The following NPR1 variants were observed in gnomAD, a reference collection of about 807,000 sequenced individuals.
NPR1 encodes the protein atrial natriuretic peptide receptor 1.
Under a neutral mutation model 116.9 loss-of-function variants are expected in NPR1, and 57 were observed. The observed-to-expected ratio is 0.49, with a 90% CI of 0.39 to 0.61. The LOEUF is 0.61. Among genes scored for constraint, NPR1 ranks in the 20% least tolerant of loss-of-function variants. The probability of loss-of-function intolerance (pLI) is 0.00; values close to 1 mark genes in which losing one functional copy is unlikely to be tolerated. For synonymous variants in NPR1, 555 were observed against 601.6 expected (o/e 0.92, Z 1.13); for missense variants, 1,096 against 1,409.8 (o/e 0.78, Z 3.56).
chr1:153,688,366 G>A, intron 15 of NPR1, 145 bp downstream of exon 15: 1 of 781,254 alleles, frequency 1.3e-6, no homozygotes, highest in Non-Finnish European at 2.0e-6. Context: ...GCTCAGCACA[G>A]CCTCATGACC....
At chr1:153,684,393 T>TC (rs1411302239) in intron 7 of NPR1, among the ~76,000 whole-genome samples, 1 of 137,040 alleles carries the variant, frequency 7.3e-6, no homozygotes, top group Non-Finnish European at 1.6e-5. Flanking sequence ...TTTCTTTTTT[T>TC]TTTTTTTTTT....
At chr1:153,681,655 C>T in intron 3 of NPR1, 49 bp from the exon 4 acceptor site, 2 of 1,599,020 alleles carry the variant, frequency 1.3e-6, no homozygotes, top group Admixed American at 1.7e-5. Context: ...GCTCCCACCT[C>T]CATGCCCTTC....
Position 153,679,940 on chromosome 1 carries a change from G to A in NPR1, c.721+111G>A. ...TCTGGGGGCACTCTTCTTTCTCCTC[G>A]CCGTTCTTCATTCTACTTTCAGCTC... On this transcript the variant is annotated intron_variant, in intron 1 of 21. Coordinates refer to ENST00000368680, the MANE Select transcript of NPR1 (RefSeq NM_000906.4). The surrounding 1 kb of genome is among the most constrained non-coding windows in gnomAD (Gnocchi z 4.2). The A allele has an allele frequency of 2.2e-6, 3 of 1,393,104 alleles. No homozygotes were observed. Among genetic ancestry groups the A allele is most frequent in the East Asian group, 2.5e-5 (1 of 39,578 alleles). The allele number at this position is 1,393,104 out of a possible 1,614,324, so 86.3% of individuals were successfully genotyped here.
chr1:153,685,484 C>G (rs1257433361), intron 8 of NPR1, among the ~76,000 whole-genome samples: 4 of 151,998 alleles, frequency 2.6e-5, no homozygotes. Flanking sequence ...GGCAACAGAG[C>G]AAGACATCGT....
chr1:153,685,933 T>C, intron 9 of NPR1, 53 bp downstream of exon 9: 2 of 1,541,966 alleles, frequency 1.3e-6, no homozygotes, highest in Admixed American at 3.3e-5. Flanking sequence ...GAGTGTACTC[T>C]GATGGAGGAC....
chr1:153,681,666 A>C (rs1195010452), intron 3 of NPR1, 38 bp from the exon 4 acceptor site: 2 of 1,605,558 alleles, frequency 1.2e-6, no homozygotes, highest in Admixed American at 3.4e-5. Context: ...CATGCCCTTC[A>C]TATGCCCACC....
Position 153,686,698 on chromosome 1 carries a change from AC to A in NPR1, c.1818del (p.Asn607IlefsTer62), listed in dbSNP as rs772189906. On this transcript the variant is annotated frameshift_variant, in exon 11 of 22. Transcript: ENST00000368680. LOFTEE classifies it high-confidence loss of function. ...ACCAGGTTTGTGGGAGCCTGCACCGACCCCCCCAATATCTGCATCCTCACAG... is the reference window on the plus strand; with the variant it reads ...ACCAGGTTTGTGGGAGCCTGCACCGACCCCCCAATATCTGCATCCTCACAG... ...HLTRFVGACT[D>X]PPNICILTEY... 3.1e-6 allele frequency: 5 copies of A among 1,612,710 alleles called. No homozygotes were observed. The highest frequency in any genetic ancestry group is 1.3e-5 in the African/African-American group (1 of 74,480).
chr1:153,690,797 G>T (rs1670086635), intron 20 of NPR1, among the ~76,000 whole-genome samples: 1 of 151,842 alleles, frequency 6.6e-6, no homozygotes, highest in African/African-American at 2.4e-5. Flanking sequence ...CAAAAAACTA[G>T]CCAGGTGTGA....
intron 20 of NPR1, 107 bp downstream of exon 20, chr1:153,690,489 C>A: frequency 4.1e-6 from 3 of 737,116 alleles, no homozygotes; most frequent in Non-Finnish European, 6.9e-6. Flanking sequence ...CTAGCCCTTT[C>A]GCCTCCCAAG....
chr1:153,693,552 A>G lies in NPR1; in HGVS notation c.*138A>G. The G allele has an allele frequency of 1.4e-6, 1 of 714,388 alleles. No individual in the cohort carries two copies. The highest frequency in any genetic ancestry group is 2.3e-6 in the Non-Finnish European group (1 of 436,634). 44.3% of individuals were successfully genotyped at this position (714,388 alleles called of 1,614,324 possible). ...TGAATAGCTCAGGTGTGCTGACCCCAGTGAAGACACCAGATAGGACCTCTG... is the reference window on the plus strand; with the variant it reads ...TGAATAGCTCAGGTGTGCTGACCCCGGTGAAGACACCAGATAGGACCTCTG... On this transcript the variant is annotated 3_prime_UTR_variant, in exon 22 of 22. Transcript: ENST00000368680.
chr1:153,693,327 A>C, intron 21 of NPR1, 25 bp from the exon 22 acceptor site: 2 of 1,611,978 alleles, frequency 1.2e-6, no homozygotes, highest in Non-Finnish European at 1.7e-6. Flanking sequence ...GCCACTCCCC[A>C]GCCCATCCTC....
intron 11 of NPR1, 41 bp downstream of exon 11, chr1:153,686,791 C>T (rs61758564): frequency 6.4e-7 from 1 of 1,559,796 alleles, no homozygotes; most frequent in Non-Finnish European, 8.8e-7. Context: ...GGGTTCTAGC[C>T]CTGGCTCTGC....
Position 153,687,182 on chromosome 1 carries a change from G to A in NPR1, c.1936-18G>A, listed in dbSNP as rs1463605773. ...GGTCCCACTCCTGGCCAATACCTCT[G>A]CCCACTCACATTTCCAGGGCATGCT... On this transcript the variant is annotated intron_variant, in intron 12 of 21. Transcript: ENST00000368680. 6.2e-7 allele frequency: 1 copy of A among 1,613,584 alleles called. No homozygotes were observed. The highest frequency in any genetic ancestry group is 8.5e-7 in the Non-Finnish European group (1 of 1,179,800).
intron 20 of NPR1, among the ~76,000 whole-genome samples, chr1:153,692,101 G>A (rs1318505990): frequency 6.6e-6 from 1 of 151,706 alleles, no homozygotes; most frequent in Non-Finnish European, 1.5e-5. Context: ...ACAAAATGAG[G>A]GTATAGCATG....
In NPR1 at chr1:153,685,850, C is replaced by T; in HGVS notation, c.1650C>T (p.Phe550=). The T allele has an allele frequency of 6.2e-7, 1 of 1,614,124 alleles. No individual in the cohort carries two copies. The highest frequency in any genetic ancestry group is 8.5e-7 in the Non-Finnish European group (1 of 1,180,014). The change falls in exon 9 of 22, where the codon TTC becomes TTT. Residue 550 remains phenylalanine, a synonymous_variant. Transcript: ENST00000368680. ...CCCTGCTAACCACAGAGGGCCAGTT[C>T]CAAGTCTTTGCCAAGACAGCATATT... ...YGSLLTTEGQ[F]QVFAKTAYYK...
intron 5 of NPR1, 24 bp from the exon 6 acceptor site, chr1:153,683,352 G>T: frequency 6.2e-7 from 1 of 1,610,408 alleles, no homozygotes. Flanking sequence ...CCCTGGCCTA[G>T]CCACCACTCC....
At chr1:153,686,350 T>A in intron 10 of NPR1, 150 bp downstream of exon 10, 1 of 777,772 alleles carries the variant, frequency 1.3e-6, no homozygotes, top group Non-Finnish European at 2.2e-6. Flanking sequence ...ATCTTGTGGG[T>A]GGGAGTGGGG....
intron 10 of NPR1, 41 bp downstream of exon 10, chr1:153,686,241 T>G: frequency 2.5e-6 from 4 of 1,576,756 alleles, no homozygotes; most frequent in African/African-American, 1.3e-5. Flanking sequence ...GAAGGGGCCC[T>G]CGGGGACGCA....
At chr1:153,690,205 G>A (rs1557966127) in intron 19 of NPR1, 79 bp from the exon 20 acceptor site, 2 of 1,133,396 alleles carry the variant, frequency 1.8e-6, no homozygotes, top group Non-Finnish European at 2.5e-6. Context: ...GCCTGTCTTG[G>A]ATTGTCCACC....
Sources: gnomAD v4.1 joint callset for allele counts (sites outside exome capture counted in the v4.1 genomes callset) on GRCh38, gnomAD v4.1.1 for gene constraint, Gnocchi (gnomAD v3.1) non-coding constraint, MANE v1.5 for transcripts, NCBI Gene and HGNC (gene_info 2026-07-23, HGNC 2026-07-21) for gene names.